Variants in F7 observed in about 807,000 individuals in gnomAD.
F7 encodes the protein coagulation factor VII.
A neutral mutation model predicts 47.5 loss-of-function variants in F7; 38 were observed. That is an observed-to-expected ratio of 0.80 (90% confidence interval 0.62 to 1.05). The LOEUF (loss-of-function observed/expected upper bound fraction) is 1.05, where lower values mean the gene tolerates loss of function less well. Among genes scored for constraint, F7 ranks in the 50% least tolerant of loss-of-function variants. The pLI is 0.00. For missense variants in F7, 575 were observed against 605.4 expected (o/e 0.95, Z 0.53); for synonymous variants, 244 against 258.5 (o/e 0.94, Z 0.54).
At chr13:113,111,050 C>G (rs1353895580) in intron 2 of F7, among the ~76,000 whole-genome samples, 200 bp downstream of exon 2, 6 of 152,188 alleles carry the variant, frequency 3.9e-5, no homozygotes, top group African/African-American at 1.4e-4. Flanking sequence ...CCCCCAGGCA[C>G]GCGCTCTCCC....
At chr13:113,106,955 G>A in intron 1 of F7, 1 of 1,558,900 alleles carries the variant, frequency 6.4e-7, no homozygotes, top group Non-Finnish European at 8.7e-7. Context: ...CCCAGTGGGG[G>A]CCAACATCAC....
chr13:113,107,011 T>G, intron 1 of F7: 1 of 1,325,368 alleles, frequency 7.5e-7, no homozygotes, highest in African/African-American at 1.5e-5. Flanking sequence ...GGGTGGCTAC[T>G]GCAGTGCCCC....
In F7 at chr13:113,105,862, G is replaced by A; in HGVS notation, c.21G>A (p.Arg7=). 1 of 1,591,416 alleles carries A rather than the reference G, an allele frequency of 6.3e-7. No individual in the cohort carries two copies. The highest frequency in any genetic ancestry group is 1.1e-5 in the South Asian group (1 of 86,990). ...TCATCATGGTCTCCCAGGCCCTCAG[G>A]CTCCTCTGCCTTCTGCTTGGGCTTC... MVSQAL[R]LLCLLLGLQG... The change falls in exon 1 of 8, where the codon AGG becomes AGA. Residue 7 remains arginine (R), a synonymous_variant. Coordinates refer to ENST00000346342, the MANE Select transcript of F7 (RefSeq NM_019616.4).
At position 113,113,910 on chromosome 13, in the gene F7, C is replaced by T; in HGVS notation, c.314C>T (p.Ser105Phe). ...GGCTCCTGCAAGGACCAGCTCCAGT[C>T]CTATATCTGCTTCTGCCTCCCTGCC... Reference protein sequence around the residue: ...NGGSCKDQLQSYICFCLPAFE... With the variant: ...NGGSCKDQLQFYICFCLPAFE... The change falls in exon 4 of 8, where the codon TCC becomes TTC. Residue 105 changes from serine (S) to phenylalanine (F), a missense_variant. Coordinates refer to ENST00000346342, the MANE Select transcript of F7 (RefSeq NM_019616.4). This position sits in a 1 kb window ranked among gnomAD's most constrained non-coding sequence, Gnocchi z 4.1. 1 of 1,614,170 alleles carries T rather than the reference C, an allele frequency of 6.2e-7. No homozygotes were observed. The highest frequency in any genetic ancestry group is 8.5e-7 in the Non-Finnish European group (1 of 1,180,038).
At chr13:113,116,717 G>T (rs749699365) in intron 5 of F7, 49 bp from the exon 6 acceptor site, 2 of 1,397,348 alleles carry the variant, frequency 1.4e-6, no homozygotes, top group South Asian at 2.3e-5. Context: ...CTAGTGGCAC[G>T]TTCATCCCTC....
chr13:113,113,278 C>G lies in F7; in HGVS notation c.226-474C>G, dbSNP rs1566907885. ...TATACACCTAGTTTTGAAAGCATTT[C>G]TCATCTGTTGTATTCTCACAGCACC... On this transcript the variant is annotated intron_variant, in intron 2 of 7. Transcript: ENST00000346342. The surrounding 1 kb of genome is among the most constrained non-coding windows in gnomAD (Gnocchi z 4.1). Among the ~76,000 whole-genome samples the G allele has an allele frequency of 6.6e-6, 1 of 152,244 alleles. No homozygotes were observed. Among genetic ancestry groups the G allele is most frequent in the Non-Finnish European group, 1.5e-5 (1 of 68,040 alleles).
chr13:113,116,986 G>A (rs1402147465), intron 6 of F7, 111 bp downstream of exon 6: 1 of 885,866 alleles, frequency 1.1e-6, no homozygotes, highest in Admixed American at 1.8e-5. Context: ...AAGCCCACCA[G>A]GCTCCAAGTC....
intron 1 of F7, among the ~76,000 whole-genome samples, chr13:113,107,205 G>A (rs924901888): frequency 6.6e-6 from 1 of 152,052 alleles, no homozygotes; most frequent in African/African-American, 2.4e-5. Flanking sequence ...TTCACCCCAG[G>A]GCGGTCACCG....
At chr13:113,114,332 GTT>G (rs36209225) in intron 4 of F7, among the ~76,000 whole-genome samples, 7 of 67,004 alleles carry the variant, frequency 1.0e-4, no homozygotes, top group South Asian at 6.4e-4. Context: ...TGAGGGGTTT[GTT>G]TTTTTTTTAA....
chr13:113,105,989 G>C lies in F7; in HGVS notation c.64+84G>C, dbSNP rs886411787. The C allele has an allele frequency of 1.4e-5, 18 of 1,284,788 alleles. No individual in the cohort carries two copies. In the South Asian group the frequency reaches 2.0e-4, roughly 14 times the overall value. 79.6% of individuals were successfully genotyped at this position (1,284,788 alleles called of 1,614,324 possible). On this transcript the variant is annotated intron_variant, in intron 1 of 7. Coordinates refer to ENST00000346342, the MANE Select transcript of F7 (RefSeq NM_019616.4). ...AGCCAGCCCGGGCTTCCCAAACCCC[G>C]CCCTTGCTCCGGACACCCCCATCCA...
intron 2 of F7, among the ~76,000 whole-genome samples, chr13:113,111,529 T>C (rs111747127): frequency 1.1e-3 from 24 of 21,744 alleles, no homozygotes; most frequent in African/African-American, 4.9e-3. Context: ...CACCTCACAC[T>C]CACAGGACAC....
At chr13:113,117,998 T>G (rs2142231031) in intron 7 of F7, among the ~76,000 whole-genome samples, 1 of 152,310 alleles carries the variant, frequency 6.6e-6, no homozygotes, top group East Asian at 1.9e-4. Flanking sequence ...CTGCCTCACT[T>G]GACCAAGAGC....
At chr13:113,110,973 C>T (rs1022892261) in intron 2 of F7, 123 bp downstream of exon 2, 6 of 1,173,774 alleles carry the variant, frequency 5.1e-6, no homozygotes, top group Non-Finnish European at 1.1e-6. Flanking sequence ...GCGGCGCCCG[C>T]GCGGCGCTTT....
intron 2 of F7, among the ~76,000 whole-genome samples, chr13:113,112,255 CAT>C (rs1289280484): frequency 6.8e-6 from 1 of 146,170 alleles, no homozygotes; most frequent in Non-Finnish European, 1.5e-5. Context: ...ACCTCACACT[CAT>C]AGGTCACCTC....
In F7 at chr13:113,119,051, G is replaced by T. The variant is rs761113844; in HGVS notation, c.*43G>T. ...GTGGAGAGAAAGCCAAGGCTGCGTC[G>T]AACTGTCCTGGCACCAAATCCCATA... On this transcript the variant is annotated 3_prime_UTR_variant, in exon 8 of 8. Transcript: ENST00000346342. 51 of 1,492,160 alleles carry T rather than the reference G, an allele frequency of 3.4e-5. No individual in the cohort carries two copies. The highest frequency in any genetic ancestry group is 4.2e-5 in the Non-Finnish European group (47 of 1,106,838). 92.4% of individuals were successfully genotyped at this position (1,492,160 alleles called of 1,614,324 possible).
Position 113,115,778 on chromosome 13 carries a change from C to A in F7, c.483C>A (p.Asp161Glu), listed in dbSNP as rs6040. 1.2e-6 allele frequency: 2 copies of A among 1,613,254 alleles called. No homozygotes were observed. The highest frequency in any genetic ancestry group is 2.2e-5 in the South Asian group (2 of 91,082). The change falls in exon 5 of 8, where the codon GAC becomes GAA. Residue 161 changes from aspartate to glutamate, a missense_variant. Transcript: ENST00000346342. ...ACGAGGGGTACTCTCTGCTGGCAGA[C>A]GGGGTGTCCTGCACACCCACAGGTG... ...RCHEGYSLLA[D>E]GVSCTPTVEY...
Position 113,116,881 on chromosome 13 carries a change from G to T in F7, c.615+6G>T, listed in dbSNP as rs1018998605. 1 of 1,601,184 alleles carries T rather than the reference G, an allele frequency of 6.2e-7. No individual in the cohort carries two copies. Among genetic ancestry groups the T allele is most frequent in the Non-Finnish European group, 8.6e-7 (1 of 1,168,830 alleles). Reference sequence around the variant, plus strand: ...AAGGGGAGTGTCCATGGCAGGTAAGGCTTCCCCTGGCTTCAGGATTCCAAG... The same window carrying T: ...AAGGGGAGTGTCCATGGCAGGTAAGTCTTCCCCTGGCTTCAGGATTCCAAG... On this transcript the variant is annotated splice_donor_region_variant and intron_variant, in intron 6 of 7. Coordinates refer to ENST00000346342, the MANE Select transcript of F7 (RefSeq NM_019616.4).
intron 6 of F7, 104 bp downstream of exon 6, chr13:113,116,979 C>A (rs758865660): frequency 1.1e-6 from 1 of 933,908 alleles, no homozygotes; most frequent in Non-Finnish European, 1.8e-6. Context: ...CAGCCCCAAG[C>A]CCACCAGGCT....
chr13:113,116,665 G>GGCCTCAA, intron 5 of F7, 101 bp from the exon 6 acceptor site: 1 of 979,924 alleles, frequency 1.0e-6, no homozygotes, highest in Non-Finnish European at 1.6e-6. Flanking sequence ...CCATAGCCTC[G>GGCCTCAA]GCCTCAAGGC....
Sources: gnomAD v4.1 joint callset for allele counts (sites outside exome capture counted in the v4.1 genomes callset) on GRCh38, gnomAD v4.1.1 for gene constraint, Gnocchi (gnomAD v3.1) non-coding constraint, MANE v1.5 for transcripts, NCBI Gene and HGNC (gene_info 2026-07-23, HGNC 2026-07-21) for gene names.